The following EYS variants were observed in gnomAD, a reference collection of about 807,000 sequenced individuals.
The protein encoded by EYS is EGF-like photoreceptor maintenance factor.
Under a neutral mutation model 282.1 loss-of-function variants are expected in EYS, and 250 were observed. The ratio of observed to expected loss-of-function variants is 0.89; its 90% CI spans 0.80 to 0.98. The LOEUF (loss-of-function observed/expected upper bound fraction) is 0.98. Among genes scored for constraint, EYS ranks in the 50% least tolerant of loss-of-function variants. The pLI is 0.00. For synonymous variants in EYS, 1,355 were observed against 1,282.9 expected, an observed-to-expected ratio of 1.06 and a Z score of -1.20; for missense variants, 4,016 against 3,709.0, an observed-to-expected ratio of 1.08 and a Z score of -2.15.
intron 11 of EYS, among the ~76,000 whole-genome samples, chr6:65,301,238 G>A (rs1428018386): frequency 3.9e-5 from 6 of 152,170 alleles, no homozygotes; most frequent in Non-Finnish European, 8.8e-5. Flanking sequence ...ACTCATGCCT[G>A]TAATCCCAGC....
intron 40 of EYS, among the ~76,000 whole-genome samples, chr6:63,770,880 C>T (rs893956202): frequency 1.3e-5 from 2 of 152,100 alleles, no homozygotes; most frequent in Admixed American, 6.6e-5. Flanking sequence ...TTTACTAGGA[C>T]GGGTTGCTAT....
intron 2 of EYS, among the ~76,000 whole-genome samples, chr6:65,548,612 TC>T (rs1369522092): frequency 1.3e-5 from 2 of 152,200 alleles, no homozygotes; most frequent in Non-Finnish European, 2.9e-5. Context: ...TCTGTCTGAT[TC>T]CCGGCACTTA....
intron 33 of EYS, among the ~76,000 whole-genome samples, chr6:64,033,520 T>C (rs933477721): frequency 6.6e-5 from 10 of 152,298 alleles, no homozygotes; most frequent in African/African-American, 2.4e-4. Flanking sequence ...ACTATAATAA[T>C]AAGGTTAATT....
At chr6:65,033,416 T>C (rs539393456) in intron 13 of EYS, among the ~76,000 whole-genome samples, 2 of 152,254 alleles carry the variant, frequency 1.3e-5, no homozygotes, top group Admixed American at 6.5e-5. Context: ...TTCATGGCAG[T>C]CACTCCCATC....
intron 31 of EYS, among the ~76,000 whole-genome samples, chr6:64,212,345 TTAA>T (rs1464640050): frequency 6.6e-6 from 1 of 151,224 alleles, no homozygotes; most frequent in African/African-American, 2.4e-5. Flanking sequence ...TACAAATAAA[TTAA>T]TACAAAGAAA....
intron 40 of EYS, among the ~76,000 whole-genome samples, chr6:63,763,300 G>A (rs920498143): frequency 2.0e-5 from 3 of 152,050 alleles, no homozygotes; most frequent in Non-Finnish European, 2.9e-5. Context: ...TTTAGAGAGT[G>A]ATATTGGGAG....
intron 30 of EYS, among the ~76,000 whole-genome samples, chr6:64,256,192 T>G (rs1487501371): frequency 6.6e-6 from 1 of 152,036 alleles, no homozygotes; most frequent in African/African-American, 2.4e-5. Context: ...TACTAAGTTT[T>G]TACAAATAGA....
chr6:64,998,054 T>A (rs759167966), intron 13 of EYS, among the ~76,000 whole-genome samples: 18 of 152,220 alleles, frequency 1.2e-4, no homozygotes, highest in Non-Finnish European at 1.9e-4. Flanking sequence ...CTTGTATCAT[T>A]TAATTTTCCC....
At chr6:64,313,836 C>G (rs185114473) in intron 29 of EYS, among the ~76,000 whole-genome samples, 1 of 152,014 alleles carries the variant, frequency 6.6e-6, no homozygotes, top group African/African-American at 2.4e-5. Context: ...TTGTCACCAC[C>G]AAGCTTGCCA....
intron 34 of EYS, among the ~76,000 whole-genome samples, chr6:63,986,283 C>T (rs1318252024): frequency 6.6e-6 from 1 of 151,554 alleles, no homozygotes; most frequent in East Asian, 1.9e-4. Flanking sequence ...CAGACGCTGG[C>T]TAGGTTGCAG....
intron 40 of EYS, among the ~76,000 whole-genome samples, chr6:63,765,272 G>T (rs1483581359): frequency 6.6e-6 from 1 of 152,006 alleles, no homozygotes; most frequent in African/African-American, 2.4e-5. Context: ...GTATTTTGGA[G>T]AAATCAGATT....
chr6:64,480,570 A>C, intron 26 of EYS, among the ~76,000 whole-genome samples: 1 of 151,982 alleles, frequency 6.6e-6, no homozygotes, highest in East Asian at 1.9e-4. Flanking sequence ...CAAAACATAA[A>C]ATATATTCCA....
rs905806822 is a variant in EYS, at chr6:65,443,544, CATG to C, written c.863-38180_863-38178del. On this transcript the variant is annotated intron_variant, in intron 5 of 42. Transcript: ENST00000503581. ...ATGTATATACATATACTTATGGACA[CATG>C]ATACGCATACATGTATACACACATA... Among the ~76,000 whole-genome samples the C allele has an allele frequency of 4.0e-5, 6 of 151,294 alleles. 1 individual carries two copies. The highest frequency in any genetic ancestry group is 5.9e-5 in the Non-Finnish European group (4 of 67,762).
intron 35 of EYS, among the ~76,000 whole-genome samples, chr6:63,975,630 G>T (rs907432042): frequency 6.6e-6 from 1 of 151,944 alleles, no homozygotes; most frequent in South Asian, 2.1e-4. Flanking sequence ...GACAGCAGAG[G>T]GTTACAGTGA....
At chr6:64,366,013 T>C (rs1417930936) in intron 29 of EYS, among the ~76,000 whole-genome samples, 1 of 152,068 alleles carries the variant, frequency 6.6e-6, no homozygotes, top group African/African-American at 2.4e-5. Context: ...GTGCCTGAAT[T>C]ACTTTTCATC....
At chr6:64,723,525 A>G (rs1020906433) in intron 22 of EYS, among the ~76,000 whole-genome samples, 2 of 152,074 alleles carry the variant, frequency 1.3e-5, no homozygotes, top group African/African-American at 4.8e-5. Context: ...CTCCTAATAA[A>G]TCTTACGCCC....
chr6:65,123,841 A>G (rs974314202), intron 12 of EYS, among the ~76,000 whole-genome samples: 3 of 151,940 alleles, frequency 2.0e-5, no homozygotes, highest in Non-Finnish European at 4.4e-5. Flanking sequence ...GAATTTCCCT[A>G]AATTCTGAAA....
intron 5 of EYS, among the ~76,000 whole-genome samples, chr6:65,471,547 A>C (rs1229308428): frequency 6.6e-6 from 1 of 152,206 alleles, no homozygotes; most frequent in Non-Finnish European, 1.5e-5. Flanking sequence ...TATCACAACC[A>C]GCTTTTCACT....
chr6:65,254,301 C>A (rs984229639), intron 12 of EYS, among the ~76,000 whole-genome samples: 2 of 151,768 alleles, frequency 1.3e-5, no homozygotes, highest in Non-Finnish European at 2.9e-5. Context: ...GGGGATAAAA[C>A]AGGTATGGTT....
Sources: gnomAD v4.1 joint callset for allele counts (sites outside exome capture counted in the v4.1 genomes callset) on GRCh38, gnomAD v4.1.1 for gene constraint, MANE v1.5 for transcripts, NCBI Gene and HGNC (gene_info 2026-07-23, HGNC 2026-07-21) for gene names.